VIT: variants seen among roughly 807,000 people sequenced by gnomAD.
The protein encoded by VIT is vitrin.
VIT carries 99 observed loss-of-function variants against 78.0 expected under a neutral mutation model. That is an observed-to-expected ratio of 1.27 (90% confidence interval 1.08 to 1.50). The LOEUF is 1.50. Ranked by LOEUF, VIT falls within the 40% of genes most tolerant of loss-of-function variation. The probability of loss-of-function intolerance (pLI) is 0.00; values close to 1 mark genes in which losing one functional copy is unlikely to be tolerated. For synonymous variants in VIT, 374 were observed against 334.3 expected, an observed-to-expected ratio of 1.12 and a Z score of -1.29; for missense variants, 1,126 against 875.3, an observed-to-expected ratio of 1.29 and a Z score of -3.61.
intron 13 of VIT, among the ~76,000 whole-genome samples, chr2:36,801,922 T>G (rs1055266452): frequency 6.6e-6 from 1 of 152,220 alleles, no homozygotes; most frequent in African/African-American, 2.4e-5. Context: ...GGTAGCATTC[T>G]TCAGGGCAAT....
intron 3 of VIT, among the ~76,000 whole-genome samples, chr2:36,731,205 A>T (rs1667184456): frequency 6.6e-6 from 1 of 152,164 alleles, no homozygotes; most frequent in East Asian, 1.9e-4. Flanking sequence ...CAGAAAGTTC[A>T]GTAGAACCCC....
At chr2:36,708,087 C>T (rs985416670) in intron 1 of VIT, among the ~76,000 whole-genome samples, 2 of 151,740 alleles carry the variant, frequency 1.3e-5, no homozygotes, top group African/African-American at 4.8e-5. Context: ...CAGATAGAGG[C>T]CACCACCACA....
chr2:36,759,639 T>G, intron 6 of VIT: 2 of 990,214 alleles, frequency 2.0e-6, no homozygotes, highest in Non-Finnish European at 2.4e-6. Flanking sequence ...AGAGGTGTTT[T>G]GATTTCCCAC....
At chr2:36,805,387 T>A (rs760568016) in intron 13 of VIT, 51 bp from the exon 14 acceptor site, 54 of 1,527,102 alleles carry the variant, frequency 3.5e-5, no homozygotes, top group Middle Eastern at 3.5e-4. Flanking sequence ...TCTCTTCCTG[T>A]ATTTATAATC....
chr2:36,765,862 T>G (rs1430588110), intron 6 of VIT, among the ~76,000 whole-genome samples: 4 of 152,224 alleles, frequency 2.6e-5, no homozygotes, highest in Non-Finnish European at 5.9e-5. Flanking sequence ...GAGAATAAAT[T>G]TCTGTCATTT....
chr2:36,715,212 A>G (rs1666050165), intron 1 of VIT, among the ~76,000 whole-genome samples: 1 of 152,170 alleles, frequency 6.6e-6, no homozygotes, highest in African/African-American at 2.4e-5. Context: ...CTGCACTTCA[A>G]CAAGAGCCCC....
chr2:36,716,381 T>C lies in VIT; in HGVS notation c.11T>C (p.Val4Ala), dbSNP rs1340180698. The C allele has an allele frequency of 9.3e-6, 15 of 1,613,890 alleles. No homozygotes were observed. The highest frequency in any genetic ancestry group is 2.2e-5 in the East Asian group (1 of 44,882). The part of the protein sequence containing the change: MRT[V>A]VLTMKASVIE... ...GTCATTCTGATATTTATGAGGACTG[T>C]TGTTCTCACTATGAAGGCATCTGTT... Residue 4 changes from valine (V) to alanine (A), a missense_variant, in exon 2 of 16, where the codon GTT (valine) becomes GCT (alanine). Val to Ala is a moderately conservative substitution (Grantham distance 64). Coordinates refer to ENST00000379242, the MANE Select transcript of VIT (RefSeq NM_053276.4).
chr2:36,772,264 C>G (rs964231886), intron 7 of VIT, among the ~76,000 whole-genome samples: 1 of 151,608 alleles, frequency 6.6e-6, no homozygotes, highest in African/African-American at 2.4e-5. Flanking sequence ...AAAAAAACTT[C>G]CGTGGCTCAC....
chr2:36,805,408 C>G, intron 13 of VIT, 30 bp from the exon 14 acceptor site: 1 of 1,572,060 alleles, frequency 6.4e-7, no homozygotes, highest in Non-Finnish European at 8.6e-7. Flanking sequence ...AGCGTGATCA[C>G]TCCAAGCATG....
At chr2:36,802,246 A>G (rs1666384838) in intron 13 of VIT, among the ~76,000 whole-genome samples, 1 of 152,198 alleles carries the variant, frequency 6.6e-6, no homozygotes, top group Non-Finnish European at 1.5e-5. Context: ...ACCAAGCTCA[A>G]AGACTGTCAA....
At chr2:36,735,900 G>A (rs573237511) in intron 3 of VIT, among the ~76,000 whole-genome samples, 2 of 152,288 alleles carry the variant, frequency 1.3e-5, no homozygotes, top group African/African-American at 2.4e-5. Context: ...GAGAACCAGA[G>A]GTGGGAAAAC....
At chr2:36,783,147 T>C (rs1040041535) in intron 10 of VIT, among the ~76,000 whole-genome samples, 193 bp from the exon 11 acceptor site, 2 of 152,232 alleles carry the variant, frequency 1.3e-5, no homozygotes, top group African/African-American at 2.4e-5. Flanking sequence ...CAGAGTACTA[T>C]GTTTTTGATA....
chr2:36,735,195 A>G (rs1667440735), intron 3 of VIT, among the ~76,000 whole-genome samples: 1 of 152,104 alleles, frequency 6.6e-6, no homozygotes, highest in South Asian at 2.1e-4. Flanking sequence ...AAAAAAGAAA[A>G]TAATCTGGCA....
chr2:36,772,784 T>G (rs1669838810), intron 7 of VIT, among the ~76,000 whole-genome samples: 1 of 152,010 alleles, frequency 6.6e-6, no homozygotes, highest in African/African-American at 2.4e-5. Flanking sequence ...ACAAAAAGAG[T>G]CAAAAGCTGA....
intron 1 of VIT, among the ~76,000 whole-genome samples, chr2:36,697,342 A>C (rs1558493612): frequency 6.6e-6 from 1 of 152,222 alleles, no homozygotes; most frequent in Non-Finnish European, 1.5e-5. Context: ...AATATGTGGA[A>C]TGTAATAGCA....
chr2:36,801,505 A>C, intron 13 of VIT, 101 bp downstream of exon 13: 9 of 1,076,472 alleles, frequency 8.4e-6, no homozygotes, highest in East Asian at 2.5e-5. Flanking sequence ...AATAATAATA[A>C]TCCGTCAAGA....
intron 6 of VIT, among the ~76,000 whole-genome samples, chr2:36,763,210 A>G (rs1032129733): frequency 2.6e-5 from 4 of 152,142 alleles, no homozygotes; most frequent in Non-Finnish European, 5.9e-5. Context: ...CTCCACGACC[A>G]GGGCCCTGGA....
At chr2:36,781,522 A>G (rs1213063453) in intron 9 of VIT, among the ~76,000 whole-genome samples, 2 of 152,198 alleles carry the variant, frequency 1.3e-5, no homozygotes, top group African/African-American at 4.8e-5. Flanking sequence ...ATTGGTAAAG[A>G]TGTTTATGCC....
At chr2:36,722,215 T>C (rs936023128) in intron 2 of VIT, among the ~76,000 whole-genome samples, 3 of 152,212 alleles carry the variant, frequency 2.0e-5, no homozygotes, top group African/African-American at 7.2e-5. Context: ...TCATTGTCAT[T>C]GGAGTATTGT....
Sources: allele counts gnomAD v4.1 joint callset (sites outside exome capture counted in the v4.1 genomes callset), GRCh38; gene constraint gnomAD v4.1.1; transcripts MANE v1.5; gene names NCBI Gene and HGNC (gene_info 2026-07-23, HGNC 2026-07-21).